Variants in DNAH17 observed in about 807,000 individuals in gnomAD.
DNAH17 encodes axonemal beta dynein heavy chain 17.
A neutral mutation model predicts 485.6 loss-of-function variants in DNAH17; 376 were observed. The ratio of observed to expected loss-of-function variants is 0.77; its 90% CI spans 0.71 to 0.84. The LOEUF (loss-of-function observed/expected upper bound fraction) is 0.84. Ranked by LOEUF, DNAH17 falls within the 40% of genes least tolerant of loss-of-function variation. The pLI is 0.00. For missense variants in DNAH17, 6,370 were observed against 5,839.3 expected (o/e 1.09, Z -2.96); for synonymous variants, 3,031 against 2,405.9 (o/e 1.26, Z -7.60).
Position 78,428,640 on chromosome 17 carries a change from T to G in DNAH17, c.12473A>C (p.Asn4158Thr). The change falls in exon 77 of 81, where the codon AAC (asparagine) becomes ACC (threonine). Residue 4158 changes from asparagine (N) to threonine (T), a missense_variant. Coordinates refer to ENST00000389840, the MANE Select transcript of DNAH17 (RefSeq NM_173628.4). ...GACCGTCAGAAAGCCAATCTCTGCG[T>G]TGGGGTGCAGGCCATACAGATAGGG... ...ESPYLYGLHP[N>T]AEIGFLTVTS... The G allele has an allele frequency of 1.2e-6, 2 of 1,613,934 alleles. No homozygotes were observed. The highest frequency in any genetic ancestry group is 1.7e-6 in the Non-Finnish European group (2 of 1,179,890).
At chr17:78,509,989 C>T (rs1022212186) in intron 27 of DNAH17, among the ~76,000 whole-genome samples, 9 of 152,160 alleles carry the variant, frequency 5.9e-5, no homozygotes, top group East Asian at 5.8e-4. Context: ...CGAGACCAGA[C>T]TGGCCAACAT....
chr17:78,427,924 C>T (rs539614227), intron 77 of DNAH17, among the ~76,000 whole-genome samples: 4 of 146,222 alleles, frequency 2.7e-5, no homozygotes, highest in Non-Finnish European at 5.9e-5. Context: ...CGAGATCGTG[C>T]CATTGCACTC....
At chr17:78,493,748 A>C (rs1404256532) in intron 41 of DNAH17, among the ~76,000 whole-genome samples, 1 of 152,250 alleles carries the variant, frequency 6.6e-6, no homozygotes, top group Non-Finnish European at 1.5e-5. Flanking sequence ...GGCCGGCCAC[A>C]GGGACAGGGA....
chr17:78,450,477 T>A, intron 67 of DNAH17, 83 bp from the exon 68 acceptor site: 1 of 1,555,646 alleles, frequency 6.4e-7, no homozygotes, highest in South Asian at 1.2e-5. Context: ...GCCACCAGCC[T>A]CGCTCCCTGG....
intron 25 of DNAH17, among the ~76,000 whole-genome samples, chr17:78,516,692 A>G (rs935767866): frequency 1.2e-4 from 6 of 51,032 alleles, no homozygotes; most frequent in South Asian, 7.7e-4. Flanking sequence ...TCCATCTCAG[A>G]AAAAAAAAAA....
At chr17:78,487,956 C>G (rs912300383) in intron 44 of DNAH17, among the ~76,000 whole-genome samples, 6 of 152,178 alleles carry the variant, frequency 3.9e-5, no homozygotes, top group African/African-American at 1.4e-4. Flanking sequence ...ATAGAGTAAA[C>G]CTTTCTATGT....
At chr17:78,560,490 A>G (rs1036103948) in intron 13 of DNAH17, among the ~76,000 whole-genome samples, 18 of 146,316 alleles carry the variant, frequency 1.2e-4, no homozygotes, top group South Asian at 2.3e-4. Context: ...CCCCCCCCCC[A>G]GTTTCAAATT....
rs950232979 is a variant in DNAH17, at chr17:78,507,711, A to G, written c.4331T>C (p.Val1444Ala). The change falls in exon 28 of 81, where the codon GTG (valine) becomes GCG (alanine). Residue 1444 changes from valine to alanine, a missense_variant. Transcript: ENST00000389840. ...GTTGTCCTCCAGCGTCTCCACCAGC[A>G]CCTCGCTGGACTTGAGCATCATGGT... ...TGTMMLKSSEVLVETLEDNQV... is the reference protein window; with the variant it reads ...TGTMMLKSSEALVETLEDNQV... 1.9e-6 allele frequency: 3 copies of G among 1,607,720 alleles called. No individual in the cohort carries two copies. Among genetic ancestry groups the G allele is most frequent in the Non-Finnish European group, 2.5e-6 (3 of 1,179,402 alleles).
In DNAH17 at chr17:78,475,559, A is replaced by C; in HGVS notation, c.8320-90T>G. On this transcript the variant is annotated intron_variant, in intron 53 of 80. Coordinates refer to ENST00000389840, the MANE Select transcript of DNAH17 (RefSeq NM_173628.4). ...GGACTCTGCACATGCTGAGGTGTGCACTGTGTGCCACGCAGCCCCACACAA... is the reference window on the plus strand; with the variant it reads ...GGACTCTGCACATGCTGAGGTGTGCCCTGTGTGCCACGCAGCCCCACACAA... 1.9e-6 allele frequency: 3 copies of C among 1,602,136 alleles called. No individual in the cohort carries two copies. In the South Asian group the frequency reaches 3.3e-5, roughly 18 times the overall value.
At chr17:78,427,788 A>G (rs138531984) in intron 77 of DNAH17, among the ~76,000 whole-genome samples, 2,748 of 152,260 alleles carry the variant, frequency 0.018, 72 homozygotes, top group African/African-American at 0.062. Flanking sequence ...CCTGGCCAAC[A>G]TGGTGAAACT....
Position 78,525,054 on chromosome 17 carries a change from G to C in DNAH17, c.3819C>G (p.His1273Gln), listed in dbSNP as rs1431647957. 2 of 1,613,782 alleles carry C rather than the reference G, an allele frequency of 1.2e-6. No individual in the cohort carries two copies. The highest frequency in any genetic ancestry group is 1.3e-5 in the African/African-American group (1 of 75,064). Residue 1273 changes from histidine (H) to glutamine (Q), a missense_variant, in exon 25 of 81, where the codon CAC (histidine) becomes CAG (glutamine). Physicochemically the swap from His to Gln is conservative, Grantham distance 24. Coordinates refer to ENST00000389840, the MANE Select transcript of DNAH17 (RefSeq NM_173628.4). ...GCTCCTTCAGTAGGCGGACCTCCCGGTGGCAGGCCTTGAGCTGCTTGTAGT... is the reference window on the plus strand; with the variant it reads ...GCTCCTTCAGTAGGCGGACCTCCCGCTGGCAGGCCTTGAGCTGCTTGTAGT... Reference protein sequence around the residue: ...VPDYKQLKACHREVRLLKELW... With the variant: ...VPDYKQLKACQREVRLLKELW...
At chr17:78,510,977 C>G (rs944938487) in intron 26 of DNAH17, among the ~76,000 whole-genome samples, 1 of 152,222 alleles carries the variant, frequency 6.6e-6, no homozygotes, top group Non-Finnish European at 1.5e-5. Flanking sequence ...GATGCGGCCA[C>G]AGGCCAAGGA....
rs2092378014 is a variant in DNAH17, at chr17:78,572,724, A to T, written c.516T>A (p.Asp172Glu). ...LPIPEHLGSL[D>E]GTLESMERIP... is the part of the protein sequence containing the mutation. ...ACCTCTCCATGGACTCCAGCGTGCC[A>T]TCCAGGCTGCCCAGGTGCTCCGGAA... The change falls in exon 3 of 81, where the codon GAT (aspartate) becomes GAA (glutamate). Residue 172 changes from aspartate (D) to glutamate (E), a missense_variant. Transcript: ENST00000389840. 6.2e-7 allele frequency: 1 copy of T among 1,609,920 alleles called. No homozygotes were observed.
intron 75 of DNAH17, among the ~76,000 whole-genome samples, chr17:78,431,453 C>CCCCG (rs1038913497): frequency 2.6e-5 from 4 of 151,358 alleles, no homozygotes; most frequent in Non-Finnish European, 5.9e-5. Context: ...AGGGAACCCC[C>CCCCG]CACCCCGAGA....
Position 78,424,326 on chromosome 17 carries a change from G to A in DNAH17, c.13142-173C>T, listed in dbSNP as rs1188463337. 4 of 751,408 alleles carry A rather than the reference G, an allele frequency of 5.3e-6. No individual in the cohort carries two copies. The South Asian group carries it at 6.2e-5, about 12-fold the overall frequency. 46.5% of individuals were successfully genotyped at this position (751,408 alleles called of 1,614,324 possible). A position where few individuals can be genotyped will look rare whatever the true frequency, so the allele number is the denominator to read the frequency against. ...CAGAGGCCTTCGTAGGTGATGGCCT[G>A]CATGTTGTAACTACCCCGTCCCGCT... is the stretch of plus-strand genomic sequence containing the variant. On this transcript the variant is annotated intron_variant, in intron 80 of 80. Coordinates refer to ENST00000389840, the MANE Select transcript of DNAH17 (RefSeq NM_173628.4).
chr17:78,522,251 C>T (rs748924804), intron 25 of DNAH17: 14 of 180,310 alleles, frequency 7.8e-5, no homozygotes, highest in Non-Finnish European at 1.4e-4. Context: ...GCCACCATGG[C>T]GGCTACCGAG....
intron 25 of DNAH17, among the ~76,000 whole-genome samples, chr17:78,523,768 G>A (rs904644586): frequency 2.0e-5 from 3 of 152,154 alleles, no homozygotes; most frequent in Admixed American, 1.3e-4. Context: ...TTAGCTAGAC[G>A]TAGTGGCGCA....
chr17:78,554,359 C>G (rs1400244925), intron 14 of DNAH17, among the ~76,000 whole-genome samples: 1 of 137,524 alleles, frequency 7.3e-6, no homozygotes, highest in Non-Finnish European at 1.5e-5. Context: ...ATCGCTTGAA[C>G]CCAGGAGGTG....
chr17:78,499,142 G>A, intron 36 of DNAH17, 30 bp from the exon 37 acceptor site: 1 of 1,498,290 alleles, frequency 6.7e-7, no homozygotes. Flanking sequence ...GAAAGGAAGA[G>A]CTGGGAGGGT....
Sources: gnomAD v4.1 joint callset for allele counts (sites outside exome capture counted in the v4.1 genomes callset) on GRCh38, gnomAD v4.1.1 for gene constraint, MANE v1.5 for transcripts, NCBI Gene and HGNC (gene_info 2026-07-23, HGNC 2026-07-21) for gene names.